The following KICS2 variants were observed in gnomAD, a reference collection of about 807,000 sequenced individuals.
KICS2 encodes the protein KICSTOR complex protein C12orf66.
A neutral mutation model predicts 31.4 loss-of-function variants in KICS2; 13 were observed. That is an observed-to-expected ratio of 0.41 (90% CI 0.27 to 0.66). The LOEUF (loss-of-function observed/expected upper bound fraction) is 0.66. KICS2 is among the 30% of genes least tolerant of loss of function. The pLI is 0.28. For synonymous variants in KICS2, 209 were observed against 214.8 expected (o/e 0.97, Z 0.24); for missense variants, 455 against 545.4 (o/e 0.83, Z 1.65).
chr12:64,190,546 C>A (rs554564830), downstream of KICS2, among the ~76,000 whole-genome samples: 7 of 152,254 alleles, frequency 4.6e-5, no homozygotes, highest in African/African-American at 1.7e-4. Flanking sequence ...GGGAGGATCA[C>A]TTGAGCCCAG....
At chr12:64,214,885 C>G (rs1189365929) in intron 2 of KICS2, among the ~76,000 whole-genome samples, 1 of 152,020 alleles carries the variant, frequency 6.6e-6, no homozygotes, top group African/African-American at 2.4e-5. Context: ...GGCAGAAACT[C>G]TAAAAGCAAT....
At position 64,215,981 on chromosome 12, in the gene KICS2, T is replaced by A. The variant is rs568357610; in HGVS notation, c.236-18A>T. The A allele has an allele frequency of 1.9e-6, 3 of 1,598,438 alleles. No homozygotes were observed. In the Admixed American group the frequency reaches 5.1e-5, roughly 27 times the overall value. On this transcript the variant is annotated intron_variant, in intron 1 of 2. Coordinates refer to ENST00000398055, the MANE Select transcript of KICS2 (RefSeq NM_152440.5). ...CTGGCCCCCTGGTAGGCAAACAACA[T>A]AAGCACATGACAAGTAAGAAGGAGA...
downstream of KICS2, among the ~76,000 whole-genome samples, chr12:64,189,534 C>A (rs536920037): frequency 6.6e-6 from 1 of 152,156 alleles, no homozygotes; most frequent in Non-Finnish European, 1.5e-5. Flanking sequence ...AAACCTTACA[C>A]GAGAAGTAAA....
chr12:64,187,676 T>C (rs2037348739), downstream of KICS2: 1 of 1,532,516 alleles, frequency 6.5e-7, no homozygotes, highest in South Asian at 1.2e-5. Flanking sequence ...AGAGAGGGAA[T>C]TGCTAAATTA....
At chr12:64,201,630 A>AC (rs1339143822) in intron 2 of KICS2, among the ~76,000 whole-genome samples, 6 of 148,050 alleles carry the variant, frequency 4.1e-5, no homozygotes, top group South Asian at 2.1e-4. Flanking sequence ...AAAAAAAAAA[A>AC]AAACAAAATG....
chr12:64,194,866 T>C (rs565220715), intron 2 of KICS2, among the ~76,000 whole-genome samples: 13 of 152,318 alleles, frequency 8.5e-5, no homozygotes, highest in South Asian at 4.1e-4. Context: ...CATATTCTCC[T>C]GTGGAAATAG....
chr12:64,194,756 T>C lies in KICS2; in HGVS notation c.522-98A>G. Reference sequence around the variant, plus strand: ...AAAGCAACAAAATGGCCAAACATAATATTATGCTTCAGGACAGGGGAAGAA... The same window carrying C: ...AAAGCAACAAAATGGCCAAACATAACATTATGCTTCAGGACAGGGGAAGAA... On this transcript the variant is annotated intron_variant, in intron 2 of 2. Coordinates refer to ENST00000398055, the MANE Select transcript of KICS2 (RefSeq NM_152440.5). The C allele has an allele frequency of 2.1e-6, 3 of 1,429,158 alleles. No individual in the cohort carries two copies. The South Asian group carries it at 4.5e-5, about 21-fold the overall frequency. 88.5% of individuals were successfully genotyped at this position (1,429,158 alleles called of 1,614,324 possible).
In KICS2 at chr12:64,222,276, G is replaced by A. The variant is rs372053159; in HGVS notation, c.-39C>T. 6.2e-7 allele frequency: 1 copy of A among 1,603,682 alleles called. No homozygotes were observed. The highest frequency in any genetic ancestry group is 1.1e-5 in the South Asian group (1 of 89,894). On this transcript the variant is annotated 5_prime_UTR_variant, in exon 1 of 3. Coordinates refer to ENST00000398055, the MANE Select transcript of KICS2 (RefSeq NM_152440.5). ...CAGCTCGACCCACGTGGCTCTCCTC[G>A]GCCTCGCACTTCCGGGTTCTGAGGG...
rs2037384482 is a variant in KICS2, at chr12:64,192,102, G to A, written c.*1740C>T. ...TGTTCTTCCCAGAAAATAAAAAATA[G>A]GCCAGTAGATTCTTGGTTCTTCTTC... On this transcript the variant is annotated 3_prime_UTR_variant, in exon 3 of 3. Transcript: ENST00000398055. 6.8e-6 allele frequency: 1 copy of A among 147,422 alleles called. No individual in the cohort carries two copies. The highest frequency in any genetic ancestry group is 2.5e-5 in the African/African-American group (1 of 40,090). The allele number at this position is 147,422 out of a possible 1,614,324, so 9.1% of individuals were successfully genotyped here. A position where few individuals can be genotyped will look rare whatever the true frequency, so the allele number is the denominator to read the frequency against.
rs991913446 is a variant in KICS2 at position 64,193,568 on chromosome 12, A to G, written c.*274T>C. ...AAAGCCCAATAAATATTCAATCTACAAGAAATATAGCAAAATAGGGGAAAA... is the reference window on the plus strand; with the variant it reads ...AAAGCCCAATAAATATTCAATCTACGAGAAATATAGCAAAATAGGGGAAAA... On this transcript the variant is annotated 3_prime_UTR_variant, in exon 3 of 3. Transcript: ENST00000398055. 8.4e-7 allele frequency: 1 copy of G among 1,185,084 alleles called. No individual in the cohort carries two copies. Among genetic ancestry groups the G allele is most frequent in the Non-Finnish European group, 1.0e-6 (1 of 957,644 alleles). 73.4% of individuals were successfully genotyped at this position (1,185,084 alleles called of 1,614,324 possible).
intron 2 of KICS2, among the ~76,000 whole-genome samples, chr12:64,204,173 A>AG (rs1402106916): frequency 3.3e-5 from 5 of 151,760 alleles, no homozygotes; most frequent in Non-Finnish European, 5.9e-5. Flanking sequence ...ACGTGGACAC[A>AG]GGGACGGGAA....
chr12:64,208,525 G>T (rs191586714), intron 2 of KICS2, among the ~76,000 whole-genome samples: 122 of 152,256 alleles, frequency 8.0e-4, no homozygotes, highest in African/African-American at 2.8e-3. Flanking sequence ...TTTTCACTGA[G>T]CAATAATTAA....
At chr12:64,215,640 A>G (rs771390992) in intron 2 of KICS2, 38 bp downstream of exon 2, 11 of 1,561,144 alleles carry the variant, frequency 7.0e-6, no homozygotes, top group Non-Finnish European at 7.0e-6. Context: ...GATTGATAGG[A>G]CAGCCACGCT....
Position 64,215,853 on chromosome 12 carries a change from G to A in KICS2, c.346C>T (p.Pro116Ser), listed in dbSNP as rs201535176. The change falls in exon 2 of 3, where the codon CCT becomes TCT. Residue 116 changes from proline (P) to serine (S), a missense_variant. Physicochemically the swap from Pro to Ser is moderately conservative, Grantham distance 74. Coordinates refer to ENST00000398055, the MANE Select transcript of KICS2 (RefSeq NM_152440.5). ...TGGGAAAGGAGTTCTTCCACGTGAG[G>A]AGCAGTCCCACCCAGGGCACCACGG... Reference protein sequence around the residue: ...TGRGALGGTAPHVEELLSHLS... With the variant: ...TGRGALGGTASHVEELLSHLS... 2.5e-6 allele frequency: 4 copies of A among 1,613,846 alleles called. No individual in the cohort carries two copies. Among genetic ancestry groups the A allele is most frequent in the East Asian group, 2.2e-5 (1 of 44,870 alleles).
At chr12:64,212,244 C>G (rs952699506) in intron 2 of KICS2, among the ~76,000 whole-genome samples, 1 of 152,140 alleles carries the variant, frequency 6.6e-6, no homozygotes, top group Admixed American at 6.5e-5. Context: ...ACCATCACCA[C>G]GATCAATTTT....
intron 2 of KICS2, among the ~76,000 whole-genome samples, chr12:64,205,687 A>G (rs1159418185): frequency 1.5e-5 from 2 of 132,280 alleles, no homozygotes; most frequent in Non-Finnish European, 3.3e-5. Flanking sequence ...GGAAGGAAGG[A>G]AGAAGGAAGG....
intron 2 of KICS2, among the ~76,000 whole-genome samples, chr12:64,201,844 T>TCAAACAAACAAA (rs55811122): frequency 6.6e-6 from 1 of 150,516 alleles, no homozygotes; most frequent in Non-Finnish European, 1.5e-5. Flanking sequence ...CAAGACTGTC[T>TCAAACAAACAAA]CAAACAAACA....
At chr12:64,198,872 C>A (rs1477323980) in intron 2 of KICS2, among the ~76,000 whole-genome samples, 1 of 151,494 alleles carries the variant, frequency 6.6e-6, no homozygotes, top group African/African-American at 2.4e-5. Flanking sequence ...TAAATTCCTC[C>A]ACACATACAC....
intron 1 of KICS2, among the ~76,000 whole-genome samples, chr12:64,216,737 T>G (rs1434960190): frequency 6.6e-6 from 1 of 152,146 alleles, no homozygotes; most frequent in African/African-American, 2.4e-5. Flanking sequence ...CACCTTTATA[T>G]AGCCAAAAAG....
Sources: allele counts gnomAD v4.1 joint callset (sites outside exome capture counted in the v4.1 genomes callset), GRCh38; gene constraint gnomAD v4.1.1; transcripts MANE v1.5; gene names NCBI Gene and HGNC (gene_info 2026-07-23, HGNC 2026-07-21).